ABTB2: variants seen among roughly 807,000 people sequenced by gnomAD.
The protein encoded by ABTB2 is ankyrin repeat and BTB domain containing 2, also known as ankyrin repeat and BTB/POZ domain-containing protein 2.
A neutral mutation model predicts 104.1 loss-of-function variants in ABTB2; 56 were observed. That is an observed-to-expected ratio of 0.54 (90% CI 0.43 to 0.67). ABTB2 has a LOEUF of 0.67. Ranked by LOEUF, ABTB2 falls within the 30% of genes least tolerant of loss-of-function variation. The probability of loss-of-function intolerance (pLI) is 0.00; values close to 1 mark genes in which losing one functional copy is unlikely to be tolerated. For missense variants in ABTB2, 1,279 were observed against 1,407.7 expected (o/e 0.91, Z 1.46); for synonymous variants, 606 against 608.2 (o/e 1.00, Z 0.05).
intron 1 of ABTB2, among the ~76,000 whole-genome samples, chr11:34,256,259 A>G (rs2133071790): frequency 6.6e-6 from 1 of 152,088 alleles, no homozygotes; most frequent in African/African-American, 2.4e-5. Flanking sequence ...CAGAAAATAA[A>G]CCACTGGCCC....
intron 1 of ABTB2, among the ~76,000 whole-genome samples, chr11:34,299,393 G>C (rs1216313529): frequency 6.6e-6 from 1 of 152,192 alleles, no homozygotes; most frequent in African/African-American, 2.4e-5. Flanking sequence ...ACGTTCCTCT[G>C]ATGTTTAAGC....
chr11:34,213,662 T>G (rs549528321), intron 1 of ABTB2, among the ~76,000 whole-genome samples: 2 of 152,352 alleles, frequency 1.3e-5, no homozygotes, highest in African/African-American at 4.8e-5. Context: ...CATTGCTGTT[T>G]AATTTTTTTG....
chr11:34,162,709 A>C lies in ABTB2; in HGVS notation c.2085T>G (p.Asp695Glu). ...CGCTGCCACTGCCCTGGCTCGACGCATCACTTTCCTCCACACCCTCGGCCA... is the reference window on the plus strand; with the variant it reads ...CGCTGCCACTGCCCTGGCTCGACGCCTCACTTTCCTCCACACCCTCGGCCA... ...EILAEGVEES[D>E]ASSQGSGSEG... is the part of the protein sequence containing the mutation. Residue 695 changes from aspartate to glutamate, a missense_variant, in exon 10 of 17, where the codon GAT becomes GAG. Transcript: ENST00000435224. 6.2e-7 allele frequency: 1 copy of C among 1,612,544 alleles called. No homozygotes were observed.
chr11:34,176,279 CAAAAAAAA>C (rs58009507), intron 3 of ABTB2, among the ~76,000 whole-genome samples: 1 of 74,832 alleles, frequency 1.3e-5, no homozygotes, highest in Non-Finnish European at 2.3e-5. Context: ...GACTCCGTCT[CAAAAAAAA>C]AAAAAAAAAA....
intron 1 of ABTB2, among the ~76,000 whole-genome samples, chr11:34,355,715 A>AAT (rs1192626314): frequency 6.6e-6 from 1 of 152,128 alleles, no homozygotes; most frequent in Non-Finnish European, 1.5e-5. Context: ...TAACCATAAT[A>AAT]CCATTCTGAA....
chr11:34,255,181 A>C (rs560610460), intron 1 of ABTB2, among the ~76,000 whole-genome samples: 1 of 152,310 alleles, frequency 6.6e-6, no homozygotes, highest in Non-Finnish European at 1.5e-5. Context: ...CGGATTAAGC[A>C]CTTCACTCTC....
chr11:34,162,471 C>G, intron 10 of ABTB2, 105 bp downstream of exon 10: 1 of 1,248,718 alleles, frequency 8.0e-7, no homozygotes, highest in Non-Finnish European at 1.1e-6. Context: ...CTTGTCTGTC[C>G]CTGCAGGCCC....
At chr11:34,264,161 T>C (rs1854220110) in intron 1 of ABTB2, among the ~76,000 whole-genome samples, 1 of 152,192 alleles carries the variant, frequency 6.6e-6, no homozygotes, top group Non-Finnish European at 1.5e-5. Context: ...ACACATCTGA[T>C]CTTCTAGAAG....
intron 1 of ABTB2, among the ~76,000 whole-genome samples, chr11:34,353,748 G>A (rs2091849483): frequency 6.6e-6 from 1 of 152,170 alleles, no homozygotes. Flanking sequence ...GCCCTATATA[G>A]CTGAGTCAAA....
chr11:34,188,518 T>C (rs1031978748), intron 3 of ABTB2, among the ~76,000 whole-genome samples: 2 of 152,330 alleles, frequency 1.3e-5, no homozygotes, highest in African/African-American at 4.8e-5. Context: ...GGCTAGTGGA[T>C]GTGCCAGCCT....
chr11:34,357,673 C>A lies in ABTB2; in HGVS notation c.-90G>T. Reference sequence around the variant, plus strand: ...AAGTGGGCAGAAACAAGCTCTAGGCCCTCCGGGCCACCCTCCTTCCTCTCT... The same window carrying A: ...AAGTGGGCAGAAACAAGCTCTAGGCACTCCGGGCCACCCTCCTTCCTCTCT... On this transcript the variant is annotated 5_prime_UTR_variant, in exon 1 of 17. Coordinates refer to ENST00000435224, the MANE Select transcript of ABTB2 (RefSeq NM_145804.3). The A allele has an allele frequency of 7.7e-7, 1 of 1,305,428 alleles. No individual in the cohort carries two copies. Among genetic ancestry groups the A allele is most frequent in the Non-Finnish European group, 9.9e-7 (1 of 1,007,254 alleles). 80.9% of individuals were successfully genotyped at this position (1,305,428 alleles called of 1,614,324 possible).
At chr11:34,215,251 C>G (rs1004571895) in intron 1 of ABTB2, among the ~76,000 whole-genome samples, 2 of 152,166 alleles carry the variant, frequency 1.3e-5, no homozygotes, top group African/African-American at 4.8e-5. Flanking sequence ...TGCATCCTTC[C>G]CCTGCTAGGG....
chr11:34,338,989 C>G (rs1855229238), intron 1 of ABTB2, among the ~76,000 whole-genome samples: 1 of 152,170 alleles, frequency 6.6e-6, no homozygotes, highest in African/African-American at 2.4e-5. Flanking sequence ...TACTGTGTGG[C>G]TCAAAGGAGA....
At chr11:34,277,799 C>CTTTT (rs1163442976) in intron 1 of ABTB2, among the ~76,000 whole-genome samples, 3 of 120,724 alleles carry the variant, frequency 2.5e-5, no homozygotes, top group South Asian at 2.6e-4. Flanking sequence ...AACAGATTCT[C>CTTTT]TTTTTTTTTT....
intron 1 of ABTB2, among the ~76,000 whole-genome samples, chr11:34,347,718 C>A (rs1424811620): frequency 1.3e-5 from 2 of 152,112 alleles, no homozygotes; most frequent in East Asian, 3.8e-4. Context: ...GGTGGTTCCA[C>A]AATATTAAGC....
intron 1 of ABTB2, among the ~76,000 whole-genome samples, chr11:34,305,399 C>T (rs1361238118): frequency 3.9e-5 from 6 of 152,248 alleles, no homozygotes; most frequent in East Asian, 3.8e-4. Flanking sequence ...CAGTTTGAAA[C>T]ATTCACTATG....
chr11:34,204,615 T>C lies in ABTB2; in HGVS notation c.959A>G (p.Tyr320Cys), dbSNP rs1853384735. 1.2e-6 allele frequency: 2 copies of C among 1,613,792 alleles called. No homozygotes were observed. Among genetic ancestry groups the C allele is most frequent in the African/African-American group, 1.3e-5 (1 of 75,030 alleles). ...CAGGGTTCGGAGCTCCAGCTGGGCA[T>C]AGGCATCGGCTCGCTCGTCATGGCC... ...SLGHDERADA[Y>C]AQLELRTLEQ... Residue 320 changes from tyrosine (Y) to cysteine (C), a missense_variant, in exon 2 of 17, where the codon TAT becomes TGT. Transcript: ENST00000435224.
chr11:34,166,819 C>A (rs1186808541), intron 7 of ABTB2, among the ~76,000 whole-genome samples: 1 of 152,210 alleles, frequency 6.6e-6, no homozygotes, highest in African/African-American at 2.4e-5. Context: ...CAATCCGAAA[C>A]CTCTCTCAGG....
Position 34,356,148 on chromosome 11 carries a change from G to A in ABTB2, c.883+553C>T, listed in dbSNP as rs1458885545. 6.6e-6 allele frequency among the ~76,000 whole-genome samples: 1 copy of A among 152,142 alleles called. No homozygotes were observed. The highest frequency in any genetic ancestry group is 1.5e-5 in the Non-Finnish European group (1 of 68,024). On this transcript the variant is annotated intron_variant, in intron 1 of 16. Coordinates refer to ENST00000435224, the MANE Select transcript of ABTB2 (RefSeq NM_145804.3). The surrounding 1 kb of genome is among the most constrained non-coding windows in gnomAD (Gnocchi z 4.6). ...CTACCCCTCCATCCCCCAAGAGAGC[G>A]CCTGACAGCATCCTTCAGCCCAGCA...
Sources: gnomAD v4.1 joint callset for allele counts (sites outside exome capture counted in the v4.1 genomes callset) on GRCh38, gnomAD v4.1.1 for gene constraint, Gnocchi (gnomAD v3.1) non-coding constraint, MANE v1.5 for transcripts, NCBI Gene and HGNC (gene_info 2026-07-23, HGNC 2026-07-21) for gene names.